CNTNAP2: variants seen among roughly 807,000 people sequenced by gnomAD.
The protein encoded by CNTNAP2 is contactin-associated protein-like 2.
A neutral mutation model predicts 155.2 loss-of-function variants in CNTNAP2; 98 were observed. The ratio of observed to expected loss-of-function variants is 0.63; its 90% CI spans 0.54 to 0.75. The LOEUF is 0.75. Ranked by LOEUF, CNTNAP2 falls within the 30% of genes least tolerant of loss-of-function variation. The pLI is 0.00. For synonymous variants in CNTNAP2, 651 were observed against 631.2 expected (o/e 1.03, Z -0.47); for missense variants, 1,727 against 1,688.1 (o/e 1.02, Z -0.40).
intron 1 of CNTNAP2, among the ~76,000 whole-genome samples, chr7:146,414,684 G>C (rs934381914): frequency 6.6e-6 from 1 of 152,094 alleles, no homozygotes; most frequent in Non-Finnish European, 1.5e-5. Flanking sequence ...TCAGTTGTGG[G>C]GTATTGTGGC....
At chr7:146,641,501 G>C (rs1464513316) in intron 1 of CNTNAP2, among the ~76,000 whole-genome samples, 2 of 152,068 alleles carry the variant, frequency 1.3e-5, no homozygotes, top group African/African-American at 4.8e-5. Context: ...TTCTGTTTCA[G>C]TTCTTTTTCC....
intron 8 of CNTNAP2, among the ~76,000 whole-genome samples, chr7:147,177,595 CTCT>C (rs1374162710): frequency 6.6e-6 from 1 of 152,172 alleles, no homozygotes; most frequent in Non-Finnish European, 1.5e-5. Context: ...TGGATACATA[CTCT>C]TCTTCTAACA....
rs1554400924 is a variant in CNTNAP2, at chr7:146,185,761, C to CT, written c.97+68805dup. 7.3e-3 allele frequency among the ~76,000 whole-genome samples: 695 copies of CT among 94,880 alleles called. 7 individuals are homozygous for CT. Among genetic ancestry groups the CT allele is most frequent in the South Asian group, 0.022 (66 of 3,052 alleles). 62.2% of individuals were successfully genotyped at this position (94,880 alleles called of 152,430 possible). On this transcript the variant is annotated intron_variant, in intron 1 of 23. Coordinates refer to ENST00000361727, the MANE Select transcript of CNTNAP2 (RefSeq NM_014141.6). ...TTCAGGGAGTGAACTTTTTATTATT[C>CT]TTTTTTTTTTTTTTTTTGTAGAACA...
At chr7:146,688,051 T>G (rs1800632896) in intron 1 of CNTNAP2, among the ~76,000 whole-genome samples, 1 of 152,178 alleles carries the variant, frequency 6.6e-6, no homozygotes, top group Non-Finnish European at 1.5e-5. Context: ...AGTAAAGATG[T>G]CGCTGAAAAG....
chr7:146,538,085 G>A (rs918682669), intron 1 of CNTNAP2, among the ~76,000 whole-genome samples: 7 of 152,076 alleles, frequency 4.6e-5, no homozygotes, highest in Non-Finnish European at 7.4e-5. Flanking sequence ...GGCTATTAGA[G>A]TAATCATATG....
chr7:146,707,785 G>C (rs1280401285), intron 1 of CNTNAP2, among the ~76,000 whole-genome samples: 1 of 152,110 alleles, frequency 6.6e-6, no homozygotes, highest in African/African-American at 2.4e-5. Context: ...TTATACATTT[G>C]TGTCATTATC....
intron 1 of CNTNAP2, among the ~76,000 whole-genome samples, chr7:146,641,657 T>G (rs960583140): frequency 2.0e-5 from 3 of 152,208 alleles, no homozygotes; most frequent in African/African-American, 7.2e-5. Flanking sequence ...CCCAGTATCA[T>G]GACATTCTGA....
At chr7:147,798,336 A>G (rs910524341) in intron 13 of CNTNAP2, among the ~76,000 whole-genome samples, 2 of 152,186 alleles carry the variant, frequency 1.3e-5, no homozygotes, top group African/African-American at 2.4e-5. Flanking sequence ...TAGTAGGTCA[A>G]TTAGCATAGT....
chr7:147,084,532 T>C (rs1377382210), intron 4 of CNTNAP2, among the ~76,000 whole-genome samples: 1 of 98,714 alleles, frequency 1.0e-5, no homozygotes, highest in Admixed American at 1.1e-4. Flanking sequence ...CATATAATAC[T>C]ATATATAATA....
At chr7:147,720,601 T>C (rs1029082758) in intron 13 of CNTNAP2, among the ~76,000 whole-genome samples, 6 of 152,068 alleles carry the variant, frequency 3.9e-5, no homozygotes, top group Admixed American at 3.9e-4. Context: ...GTGGAGGTAA[T>C]TGAATCATGG....
At chr7:146,829,070 T>A (rs1003601273) in intron 2 of CNTNAP2, among the ~76,000 whole-genome samples, 4 of 152,074 alleles carry the variant, frequency 2.6e-5, no homozygotes, top group Non-Finnish European at 5.9e-5. Context: ...ATTTGACATT[T>A]TAAAAACAAA....
chr7:148,016,146 A>G (rs1802173555), intron 15 of CNTNAP2, among the ~76,000 whole-genome samples: 2 of 152,228 alleles, frequency 1.3e-5, no homozygotes, highest in Admixed American at 6.5e-5. Context: ...TTTTGAATGA[A>G]GACACCCAGC....
intron 8 of CNTNAP2, among the ~76,000 whole-genome samples, chr7:147,146,047 C>T (rs1431394602): frequency 6.6e-6 from 1 of 152,152 alleles, no homozygotes; most frequent in Non-Finnish European, 1.5e-5. Context: ...TTTGTGTGAG[C>T]TTGACATGAG....
rs1040885615 is a variant in CNTNAP2 at position 146,410,310 on chromosome 7, G to A, written c.97+293337G>A. On this transcript the variant is annotated intron_variant, in intron 1 of 23. Coordinates refer to ENST00000361727, the MANE Select transcript of CNTNAP2 (RefSeq NM_014141.6). ...TCTCTGGCTGCTTTCATGCTACATG[G>A]GAAAAACTGAGTAGTTATGACAGAA... 2.0e-5 allele frequency among the ~76,000 whole-genome samples: 3 copies of A among 152,066 alleles called. No homozygotes were observed. The East Asian group carries it at 5.8e-4, about 29-fold the overall frequency.
At chr7:146,550,004 A>G (rs1398863180) in intron 1 of CNTNAP2, among the ~76,000 whole-genome samples, 1 of 152,096 alleles carries the variant, frequency 6.6e-6, no homozygotes, top group Non-Finnish European at 1.5e-5. Context: ...TTTGATCCAC[A>G]TAAAGTAAGT....
chr7:147,488,306 G>A (rs967927848), intron 11 of CNTNAP2, among the ~76,000 whole-genome samples: 1 of 152,186 alleles, frequency 6.6e-6, no homozygotes, highest in Admixed American at 6.5e-5. Context: ...TGTGTCTGAC[G>A]CTAGCTATAA....
At chr7:148,213,696 G>T (rs2116750536) in intron 18 of CNTNAP2, among the ~76,000 whole-genome samples, 1 of 152,076 alleles carries the variant, frequency 6.6e-6, no homozygotes, top group East Asian at 1.9e-4. Flanking sequence ...AAACTGAACT[G>T]CTCAGTGTGT....
intron 15 of CNTNAP2, among the ~76,000 whole-genome samples, chr7:148,047,045 C>G (rs1173064758): frequency 6.6e-6 from 1 of 152,142 alleles, no homozygotes; most frequent in Non-Finnish European, 1.5e-5. Flanking sequence ...TCTCCTTGGG[C>G]CCCCACCTCC....
intron 2 of CNTNAP2, among the ~76,000 whole-genome samples, chr7:146,780,844 G>C (rs1007572810): frequency 6.6e-6 from 1 of 152,038 alleles, no homozygotes; most frequent in African/African-American, 2.4e-5. Context: ...ACACAGGGAC[G>C]GGAACATAAC....
Sources: gnomAD v4.1 joint callset for allele counts (sites outside exome capture counted in the v4.1 genomes callset) on GRCh38, gnomAD v4.1.1 for gene constraint, MANE v1.5 for transcripts, NCBI Gene and HGNC (gene_info 2026-07-23, HGNC 2026-07-21) for gene names.